The following GGCX variants were observed in gnomAD, a reference collection of about 807,000 sequenced individuals.
The protein encoded by GGCX is vitamin K-dependent gamma-carboxylase.
GGCX carries 63 observed loss-of-function variants against 88.5 expected under a neutral mutation model. The ratio of observed to expected loss-of-function variants is 0.71; its 90% CI spans 0.58 to 0.88. The LOEUF is 0.88. Ranked by LOEUF, GGCX falls within the 40% of genes least tolerant of loss-of-function variation. The pLI is 0.00. For synonymous variants in GGCX, 368 were observed against 365.8 expected (o/e 1.01, Z -0.07); for missense variants, 805 against 932.9 (o/e 0.86, Z 1.79).
rs1320655902 is a variant in GGCX at position 85,558,566 on chromosome 2, C to T, written c.413G>A (p.Ser138Asn). Residue 138 changes from serine (S) to asparagine (N), a missense_variant, in exon 4 of 15, where the codon AGC becomes AAC. By Grantham distance (46) the Ser-to-Asn change is conservative. This residue lies in a region of GGCX where 680 missense variants were observed against 763.7 expected (regional missense o/e 0.89). Coordinates refer to ENST00000233838, the MANE Select transcript of GGCX (RefSeq NM_000821.7). ...GTATGGCAGCAGGAATAACACACAG[C>T]TTATCCGGTAGCACAGGCCCAGCAT... Reference protein sequence around the residue: ...GMMLGLCYRISCVLFLLPYWY... With the variant: ...GMMLGLCYRINCVLFLLPYWY... 1.9e-6 allele frequency: 3 copies of T among 1,613,698 alleles called. No homozygotes were observed. Among genetic ancestry groups the T allele is most frequent in the Non-Finnish European group, 2.5e-6 (3 of 1,179,616 alleles).
rs901180216 is a variant in GGCX at position 85,547,218 on chromosome 2, T to C, written c.*2716A>G. 2.6e-5 allele frequency: 4 copies of C among 152,226 alleles called. No individual in the cohort carries two copies. The highest frequency in any genetic ancestry group is 4.4e-5 in the Non-Finnish European group (3 of 68,044). The allele number at this position is 152,226 out of a possible 1,614,324, so 9.4% of individuals were successfully genotyped here. A position where few individuals can be genotyped will look rare whatever the true frequency, so the allele number is the denominator to read the frequency against. ...GTCTTTAGGTTGAACATTCTGTATA[T>C]AACCTGCCTTTCTAAAGTTTCAAAG... On this transcript the variant is annotated 3_prime_UTR_variant, in exon 15 of 15. Transcript: ENST00000233838.
chr2:85,553,717 A>C, intron 7 of GGCX: 1 of 552,764 alleles, frequency 1.8e-6, no homozygotes, highest in Non-Finnish European at 3.2e-6. Context: ...CTCTTGCCTC[A>C]GCCTCCCAAG....
intron 1 of GGCX, 130 bp downstream of exon 1, chr2:85,561,256 G>A (rs1692442127): frequency 1.5e-6 from 1 of 666,554 alleles, no homozygotes; most frequent in Admixed American, 2.8e-5. Flanking sequence ...ATGTCTCACA[G>A]CACGCCCCCT....
rs773230217 is a variant in GGCX, at chr2:85,551,082, G to A, written c.1741-10C>T. ...ACTCACCAGCAGGCAACTGACAAGGGAGAAGAAATGGATAAATTTCATCAG... is the reference window on the plus strand; with the variant it reads ...ACTCACCAGCAGGCAACTGACAAGGAAGAAGAAATGGATAAATTTCATCAG... On this transcript the variant is annotated splice_polypyrimidine_tract_variant and intron_variant, in intron 12 of 14. Transcript: ENST00000233838. The A allele has an allele frequency of 1.9e-5, 31 of 1,612,966 alleles. No homozygotes were observed. The highest frequency in any genetic ancestry group is 1.8e-4 in the South Asian group (16 of 91,068).
rs1377956886 is a variant in GGCX at position 85,546,724 on chromosome 2, G to GAAGTAGGGGGAGGGCAAGGTT, written c.*3189_*3209dup. On this transcript the variant is annotated 3_prime_UTR_variant, in exon 15 of 15. Coordinates refer to ENST00000233838, the MANE Select transcript of GGCX (RefSeq NM_000821.7). ...CTCAAAAAACTTGGAAATCTGTTGGGAAGTAGGGGGAGGGCAAGGTTAAAA... is the reference window on the plus strand; with the variant it reads ...CTCAAAAAACTTGGAAATCTGTTGGGAAGTAGGGGGAGGGCAAGGTTAAGTAGGGGGAGGGCAAGGTTAAAA... 1 of 152,216 alleles carries GAAGTAGGGGGAGGGCAAGGTT rather than the reference G, an allele frequency of 6.6e-6. No homozygotes were observed. The highest frequency in any genetic ancestry group is 2.4e-5 in the African/African-American group (1 of 41,446). The allele number at this position is 152,216 out of a possible 1,614,324, so 9.4% of individuals were successfully genotyped here.
chr2:85,550,882 T>C (rs1412573879), intron 13 of GGCX, 43 bp downstream of exon 13: 3 of 1,609,028 alleles, frequency 1.9e-6, no homozygotes, highest in South Asian at 1.1e-5. Flanking sequence ...CCCTGACTTC[T>C]TGAAACCAGA....
intron 2 of GGCX, 92 bp from the exon 3 acceptor site, chr2:85,559,167 G>T: frequency 9.6e-7 from 1 of 1,040,300 alleles, no homozygotes; most frequent in African/African-American, 1.6e-5. Context: ...CAGCTCCAGG[G>T]TCAGACTTCT....
At chr2:85,561,265 C>T in intron 1 of GGCX, 121 bp downstream of exon 1, 1 of 680,444 alleles carries the variant, frequency 1.5e-6, no homozygotes, top group Admixed American at 2.9e-5. Context: ...AGCACGCCCC[C>T]TTCCCCACAG....
chr2:85,552,862 G>A (rs564447177), intron 9 of GGCX, 77 bp downstream of exon 9: 2 of 1,487,472 alleles, frequency 1.3e-6, no homozygotes, highest in African/African-American at 1.4e-5. Context: ...GCTTTATGGT[G>A]TGTGTAAGAC....
At position 85,561,375 on chromosome 2, in the gene GGCX, C is replaced by T. The variant is rs375222860; in HGVS notation, c.43+11G>A. ...GGAACTCTCCGCCGGAGGGCGGGGT[C>T]CTAAGCCTACCTGAGCTGGGCGAGG... On this transcript the variant is annotated intron_variant, in intron 1 of 14. Transcript: ENST00000233838. The T allele has an allele frequency of 9.6e-6, 15 of 1,556,514 alleles. No individual in the cohort carries two copies. Among genetic ancestry groups the T allele is most frequent in the Non-Finnish European group, 1.3e-5 (15 of 1,147,214 alleles).
intron 7 of GGCX, 71 bp from the exon 8 acceptor site, chr2:85,553,568 G>T: frequency 7.0e-7 from 1 of 1,437,176 alleles, no homozygotes; most frequent in Non-Finnish European, 9.8e-7. Context: ...TCCCTTAGGA[G>T]ACTTCTCCCA....
intron 14 of GGCX, 21 bp from the exon 15 acceptor site, chr2:85,550,147 G>T (rs2028898): frequency 6.3e-7 from 1 of 1,595,642 alleles, no homozygotes; most frequent in South Asian, 1.1e-5. Context: ...GGAAAAAGCC[G>T]ACCAAGTTCA....
Position 85,550,931 on chromosome 2 carries a change from C to CGGAA in GGCX, c.1881_1882insTTCC (p.Gly628PhefsTer4). 1.2e-6 allele frequency: 2 copies of CGGAA among 1,614,188 alleles called. No homozygotes were observed. Among genetic ancestry groups the CGGAA allele is most frequent in the Non-Finnish European group, 1.7e-6 (2 of 1,180,008 alleles). ...CAAATGTTCATACACTCACCACTTC[C>CGGAA]ATTCTCCACCTTTTCCTTTAATTCT... On this transcript the variant is annotated frameshift_variant, in exon 13 of 15. Coordinates refer to ENST00000233838, the MANE Select transcript of GGCX (RefSeq NM_000821.7). LOFTEE classifies it high-confidence loss of function.
rs765634718 is a variant in GGCX, at chr2:85,561,366, G to A, written c.43+20C>T. 1.1e-5 allele frequency: 17 copies of A among 1,533,196 alleles called. No homozygotes were observed. The East Asian group carries it at 3.7e-4, about 34-fold the overall frequency. The allele number at this position is 1,533,196 out of a possible 1,614,324, so 95.0% of individuals were successfully genotyped here. On this transcript the variant is annotated intron_variant, in intron 1 of 14. Transcript: ENST00000233838. ...GCGCTCCTAGGAACTCTCCGCCGGA[G>A]GGCGGGGTCCTAAGCCTACCTGAGC...
intron 3 of GGCX, 152 bp downstream of exon 3, chr2:85,558,765 G>A (rs930776160): frequency 3.5e-6 from 3 of 866,972 alleles, no homozygotes; most frequent in African/African-American, 1.7e-5. Context: ...AAAGAATTAT[G>A]GGATCACAGC....
Position 85,546,159 on chromosome 2 carries a change from A to G in GGCX, c.*3775T>C, listed in dbSNP as rs915908827. 2.0e-5 allele frequency: 3 copies of G among 152,230 alleles called. No homozygotes were observed. The highest frequency in any genetic ancestry group is 2.9e-5 in the Non-Finnish European group (2 of 68,058). 9.4% of individuals were successfully genotyped at this position (152,230 alleles called of 1,614,324 possible). ...GGCCAGGCGGAGTGGCCTGTAATAT[A>G]GGCCACTATATAGTAATATAGGCGT... is the stretch of plus-strand genomic sequence containing the variant. On this transcript the variant is annotated 3_prime_UTR_variant, in exon 15 of 15. Transcript: ENST00000233838.
rs530539627 is a variant in GGCX, at chr2:85,549,828, A to C, written c.*106T>G. On this transcript the variant is annotated 3_prime_UTR_variant, in exon 15 of 15. Transcript: ENST00000233838. ...ACAGCTTTAGAACCCCGCCCCCCCA[A>C]AAAAAAAAAAAAAACTTTTGAGAAT... The C allele has an allele frequency of 8.2e-4, 365 of 445,398 alleles. No homozygotes were observed. The highest frequency in any genetic ancestry group is 1.4e-3 in the Middle Eastern group (2 of 1,480). 27.6% of individuals were successfully genotyped at this position (445,398 alleles called of 1,614,324 possible). A position where few individuals can be genotyped will look rare whatever the true frequency, so the allele number is the denominator to read the frequency against.
rs201740703 is a variant in GGCX at position 85,561,475 on chromosome 2, G to A, written c.-47C>T. On this transcript the variant is annotated 5_prime_UTR_variant, in exon 1 of 15. Transcript: ENST00000233838. ...GGGTCACAGCTGCCGCGTCTGAACG[G>A]AGGCCGCCAGGAGAATTTGCTTCCC... The A allele has an allele frequency of 6.9e-7, 1 of 1,441,406 alleles. No individual in the cohort carries two copies. The highest frequency in any genetic ancestry group is 1.4e-5 in the African/African-American group (1 of 71,806). The allele number at this position is 1,441,406 out of a possible 1,614,324, so 89.3% of individuals were successfully genotyped here. A position where few individuals can be genotyped will look rare whatever the true frequency, so the allele number is the denominator to read the frequency against.
intron 1 of GGCX, 100 bp downstream of exon 1, chr2:85,561,286 C>A (rs1162575691): frequency 2.6e-5 from 17 of 662,608 alleles, no homozygotes; most frequent in African/African-American, 2.2e-4. Context: ...AGGACCCCCC[C>A]CCCGCCTCAC....
Sources: gnomAD v4.1 joint callset for allele counts on GRCh38, gnomAD v4.1.1 for gene constraint, gnomAD v4.1.1 regional missense constraint, MANE v1.5 for transcripts, NCBI Gene and HGNC (gene_info 2026-07-23, HGNC 2026-07-21) for gene names.